Variants in NEB observed in about 807,000 individuals in gnomAD.
NEB encodes the protein nemaline myopathy type 2.
Under a neutral mutation model 952.2 loss-of-function variants are expected in NEB, and 512 were observed. The observed-to-expected ratio is 0.54, with a 90% CI of 0.50 to 0.58. NEB has a LOEUF of 0.58. Ranked by LOEUF, NEB falls within the 20% of genes least tolerant of loss-of-function variation. The pLI, the probability that NEB is intolerant of heterozygous loss-of-function variation, is 0.00. For synonymous variants in NEB, 2,900 were observed against 3,149.8 expected, an observed-to-expected ratio of 0.92 and a Z score of 2.66; for missense variants, 8,428 against 9,231.1, an observed-to-expected ratio of 0.91 and a Z score of 3.56.
rs574142553 is a variant in NEB, at chr2:151,686,406, T to C, written c.2637+1013A>G. ...ATGTGCCTACTGCTGGGTTCTGTGA[T>C]AGGAATAAAAACAAAAGATAAAAAT... On this transcript the variant is annotated intron_variant, in intron 27 of 181. Transcript: ENST00000397345. Among the ~76,000 whole-genome samples, 185 of 152,324 alleles carry C rather than the reference T, an allele frequency of 1.2e-3. 2 individuals are homozygous for C. The highest frequency in any genetic ancestry group is 3.9e-3 in the African/African-American group (164 of 41,554).
intron 13 of NEB, among the ~76,000 whole-genome samples, chr2:151,700,754 G>C (rs1453083762): frequency 7.5e-5 from 10 of 133,668 alleles, no homozygotes; most frequent in African/African-American, 1.8e-4. Context: ...TCAGCTTAAG[G>C]AGATTTTGGG....
In NEB at chr2:151,692,346, T is replaced by G. The variant is rs772304567; in HGVS notation, c.1913A>C (p.Asn638Thr). 1 of 1,608,906 alleles carries G rather than the reference T, an allele frequency of 6.2e-7. No individual in the cohort carries two copies. Among genetic ancestry groups the G allele is most frequent in the Non-Finnish European group, 8.5e-7 (1 of 1,176,134 alleles). The part of the protein sequence containing the change: ...KNQSDRLYKE[N>T]YEKTKAKSMN... ...ACTCTTTGCCTTTGTCTTCTCATAG[T>G]TTTCCTTGTATAATCTCTGTTAAAG... is the stretch of plus-strand genomic sequence containing the variant. Residue 638 changes from asparagine (N) to threonine (T), a missense_variant, in exon 21 of 182, where the codon AAC (asparagine) becomes ACC (threonine). By Grantham distance (65) the Asn-to-Thr change is moderately conservative (BLOSUM62 0). Around this residue, in one of 11 missense-constraint regions of NEB, gnomAD observed 2,851 missense variants for 2,791.5 expected, o/e 1.02. Coordinates refer to ENST00000397345, the MANE Select transcript of NEB (RefSeq NM_001164508.2).
intron 140 of NEB, among the ~76,000 whole-genome samples, chr2:151,537,603 GC>G (rs2093397782): frequency 6.6e-6 from 1 of 152,050 alleles, no homozygotes; most frequent in South Asian, 2.1e-4. Context: ...ATCAAAATAG[GC>G]TATTTCCTAG....
intron 117 of NEB, 58 bp from the exon 118 acceptor site, chr2:151,563,988 C>T: frequency 7.9e-7 from 1 of 1,262,438 alleles, no homozygotes; most frequent in African/African-American, 1.5e-5. Context: ...TCAGATACCA[C>T]TAAAACAATT....
chr2:151,620,599 G>A (rs2098395298), intron 72 of NEB, among the ~76,000 whole-genome samples: 1 of 151,774 alleles, frequency 6.6e-6, no homozygotes, highest in African/African-American at 2.4e-5. Flanking sequence ...CTTCTTTTCT[G>A]GCATCTTTGC....
In NEB at chr2:151,493,884, C is replaced by A; in HGVS notation, c.24580-17G>T. 6.8e-7 allele frequency: 1 copy of A among 1,480,180 alleles called. No homozygotes were observed. Among genetic ancestry groups the A allele is most frequent in the Non-Finnish European group, 9.1e-7 (1 of 1,095,130 alleles). 91.7% of individuals were successfully genotyped at this position (1,480,180 alleles called of 1,614,324 possible). The stretch of plus-strand genomic sequence containing the variant: ...GTATAACACCTGTGAGATACAAAGT[C>A]ATGCCCGAAAGTCACTACGAGGTAA... On this transcript the variant is annotated splice_polypyrimidine_tract_variant and intron_variant, in intron 174 of 181. Coordinates refer to ENST00000397345, the MANE Select transcript of NEB (RefSeq NM_001164508.2).
Position 151,499,323 on chromosome 2 carries a change from T to C in NEB, c.24089A>G (p.Lys8030Arg). Residue 8030 changes from lysine to arginine, a missense_variant, in exon 169 of 182, where the codon AAA becomes AGA. Lys to Arg is a conservative substitution (Grantham distance 26, BLOSUM62 2). Transcript: ENST00000397345. ...IPITPEMERV[K>R]HNQENFSSVL... ...CGAACTAAAGTTTTCTTGATTGTGT[T>C]TGACTCTCTCCATCTCTGGAGTGAT... is the stretch of plus-strand genomic sequence containing the variant. 1 of 1,536,146 alleles carries C rather than the reference T, an allele frequency of 6.5e-7. No homozygotes were observed. The highest frequency in any genetic ancestry group is 2.5e-5 in the East Asian group (1 of 40,464).
At chr2:151,641,261 T>C (rs2098843242) in intron 60 of NEB, among the ~76,000 whole-genome samples, 1 of 152,252 alleles carries the variant, frequency 6.6e-6, no homozygotes, top group East Asian at 1.9e-4. Flanking sequence ...GTGCCTGCTC[T>C]TTTCAGTTAT....
chr2:151,530,558 A>G (rs2153485209), intron 145 of NEB: 1 of 153,858 alleles, frequency 6.5e-6, no homozygotes, highest in East Asian at 1.9e-4. Context: ...TTTACTTATC[A>G]GTATCTTTAG....
intron 54 of NEB, among the ~76,000 whole-genome samples, chr2:151,646,646 T>C (rs2098962836): frequency 6.6e-6 from 1 of 152,180 alleles, no homozygotes; most frequent in South Asian, 2.1e-4. Context: ...ATGTGGCTTA[T>C]TGTTATCACT....
chr2:151,543,876 T>C (rs1342220126), intron 135 of NEB, among the ~76,000 whole-genome samples: 3 of 152,252 alleles, frequency 2.0e-5, no homozygotes, highest in African/African-American at 7.2e-5. Context: ...TGGGACAACG[T>C]CCCTGCTTCC....
chr2:151,507,752 A>G, intron 162 of NEB: 1 of 422,858 alleles, frequency 2.4e-6, no homozygotes, highest in South Asian at 5.2e-5. Flanking sequence ...GAACCTTGCC[A>G]TGGGTGAGGA....
In NEB at chr2:151,698,870, T is replaced by C. The variant is rs551736548; in HGVS notation, c.1153-1222A>G. 5.1e-4 allele frequency among the ~76,000 whole-genome samples: 78 copies of C among 151,636 alleles called. 1 individual carries two copies. Among genetic ancestry groups the C allele is most frequent in the African/African-American group, 1.8e-3 (76 of 41,448 alleles). On this transcript the variant is annotated intron_variant, in intron 13 of 181. Coordinates refer to ENST00000397345, the MANE Select transcript of NEB (RefSeq NM_001164508.2). ...AGCCAGGATGGTCTCCATCTCTTTTTTTTTTTTTTTAATTATACTTTAAGT... is the reference window on the plus strand; with the variant it reads ...AGCCAGGATGGTCTCCATCTCTTTTCTTTTTTTTTTAATTATACTTTAAGT...
intron 160 of NEB, 95 bp from the exon 161 acceptor site, chr2:151,512,932 C>A: frequency 1.3e-6 from 1 of 785,466 alleles, no homozygotes; most frequent in South Asian, 1.6e-5. Flanking sequence ...ATTTCTTTTC[C>A]AAGAGGGACT....
rs746594174 is a variant in NEB, at chr2:151,692,044, T to C, written c.2106+15A>G. The stretch of plus-strand genomic sequence containing the variant: ...AATGTCACTGTGAGGCATGAACCAT[T>C]GTCTTCAAACTTACATCACTGTTTT... On this transcript the variant is annotated intron_variant, in intron 22 of 181. Transcript: ENST00000397345. 6.2e-7 allele frequency: 1 copy of C among 1,612,184 alleles called. No individual in the cohort carries two copies. Among genetic ancestry groups the C allele is most frequent in the South Asian group, 1.1e-5 (1 of 91,022 alleles).
chr2:151,664,440 C>T, intron 44 of NEB, 61 bp downstream of exon 44: 3 of 1,273,872 alleles, frequency 2.4e-6, no homozygotes, highest in Admixed American at 5.3e-5. Context: ...TACATACACA[C>T]AAGCTTAGCG....
rs532710372 is a variant in NEB at position 151,694,419 on chromosome 2, G to A, written c.1800C>T (p.Asp600=). 1.3e-5 allele frequency: 21 copies of A among 1,613,656 alleles called. No individual in the cohort carries two copies. In the Admixed American group the frequency reaches 2.3e-4, roughly 18 times the overall value. The change falls in exon 20 of 182, where the codon GAC becomes GAT. Residue 600 remains aspartate, a synonymous_variant. Transcript: ENST00000397345. ...TCATTTTCCCTTTGTTTTTTTCATA[G>A]TCTTTCTTGTACATCACCTGCAAAG... ...KNTSDVMYKK[D]YEKNKGKMIG... is the part of the protein sequence containing the mutation.
At chr2:151,714,118 C>G (rs887294106) in intron 10 of NEB, among the ~76,000 whole-genome samples, 4 of 152,264 alleles carry the variant, frequency 2.6e-5, no homozygotes, top group Admixed American at 2.6e-4. Flanking sequence ...CTCCCACCCC[C>G]ATCCTGTCTC....
rs765208384 is a variant in NEB, at chr2:151,666,183, G to T, written c.4938C>A (p.Asn1646Lys). The T allele has an allele frequency of 6.2e-7, 1 of 1,613,948 alleles. No individual in the cohort carries two copies. The highest frequency in any genetic ancestry group is 8.5e-7 in the Non-Finnish European group (1 of 1,179,836). ...AAKKSQEVAT[N>K]ANYRQSYHHY... ...GGTGGTATGACTGTCTGTAGTTGGC[G>T]TTGGTGGCAACCTCCTGAGATTTCT... Residue 1646 changes from asparagine to lysine, a missense_variant, in exon 41 of 182, where the codon AAC (asparagine) becomes AAA (lysine). Physicochemically the swap from Asn to Lys is moderately conservative, Grantham distance 94 (BLOSUM62 0). Around this residue, in one of 11 missense-constraint regions of NEB, gnomAD observed 2,851 missense variants for 2,791.5 expected, o/e 1.02. Transcript: ENST00000397345.
Sources: gnomAD v4.1 joint callset for allele counts (sites outside exome capture counted in the v4.1 genomes callset) on GRCh38, gnomAD v4.1.1 for gene constraint, gnomAD v4.1.1 regional missense constraint, MANE v1.5 for transcripts, NCBI Gene and HGNC (gene_info 2026-07-23, HGNC 2026-07-21) for gene names.